The following SNX6 variants were observed in gnomAD, a reference collection of about 807,000 sequenced individuals.
SNX6 encodes the protein sorting nexin 6.
Under a neutral mutation model 63.0 loss-of-function variants are expected in SNX6, and 34 were observed. The ratio of observed to expected loss-of-function variants is 0.54; its 90% CI spans 0.41 to 0.72. The LOEUF (loss-of-function observed/expected upper bound fraction) is 0.72, where lower values mean the gene tolerates loss of function less well. Among genes scored for constraint, SNX6 ranks in the 30% least tolerant of loss-of-function variants. The pLI is 0.00. For synonymous variants in SNX6, 170 were observed against 164.2 expected, an observed-to-expected ratio of 1.04 and a Z score of -0.27; for missense variants, 398 against 471.4, an observed-to-expected ratio of 0.84 and a Z score of 1.44.
At chr14:34,628,956 G>C (rs1165491242) in intron 2 of SNX6, among the ~76,000 whole-genome samples, 1 of 151,956 alleles carries the variant, frequency 6.6e-6, no homozygotes, top group African/African-American at 2.4e-5. Flanking sequence ...GGGGTGGGAG[G>C]GAGGAATCAG....
At chr14:34,623,552 C>G (rs1026746285) in intron 2 of SNX6, among the ~76,000 whole-genome samples, 8 of 152,082 alleles carry the variant, frequency 5.3e-5, no homozygotes, top group Admixed American at 3.3e-4. Context: ...AGACTAAAGA[C>G]AGAGACTAAG....
intron 8 of SNX6, among the ~76,000 whole-genome samples, chr14:34,592,720 C>T (rs1037110213): frequency 2.6e-5 from 4 of 152,240 alleles, no homozygotes; most frequent in Admixed American, 1.3e-4. Context: ...TGCGGCACCA[C>T]GTCTGGCTAA....
chr14:34,627,423 C>T (rs1026570937), intron 2 of SNX6, among the ~76,000 whole-genome samples: 2 of 150,504 alleles, frequency 1.3e-5, no homozygotes, highest in African/African-American at 2.5e-5. Flanking sequence ...GTCGGGCCTT[C>T]GGCCTGGGCG....
Position 34,584,740 on chromosome 14 carries a change from G to A in SNX6, c.794+1490C>T, listed in dbSNP as rs980955434. On this transcript the variant is annotated intron_variant, in intron 9 of 13. Coordinates refer to ENST00000362031, the MANE Select transcript of SNX6 (RefSeq NM_152233.4). ...TTTTCATAAATAAAACACAGTTGGGGAGGAAGAAAAAAAAATATATATAGA... is the reference window on the plus strand; with the variant it reads ...TTTTCATAAATAAAACACAGTTGGGAAGGAAGAAAAAAAAATATATATAGA... Among the ~76,000 whole-genome samples, 8 of 151,276 alleles carry A rather than the reference G, an allele frequency of 5.3e-5. No individual in the cohort carries two copies. The South Asian group carries it at 1.7e-3, about 31-fold the overall frequency.
intron 11 of SNX6, among the ~76,000 whole-genome samples, chr14:34,573,640 ATTAAT>A (rs1389197290): frequency 6.6e-5 from 10 of 150,530 alleles, no homozygotes; most frequent in Non-Finnish European, 1.5e-4. Flanking sequence ...TTTTTAATTA[ATTAAT>A]TTATTTTTTT....
chr14:34,574,819 A>G (rs1881621163), intron 11 of SNX6, among the ~76,000 whole-genome samples: 1 of 151,886 alleles, frequency 6.6e-6, no homozygotes. Flanking sequence ...CGGCCTCCCA[A>G]AGTGCTGGGA....
At chr14:34,586,035 T>C (rs965603274) in intron 9 of SNX6, among the ~76,000 whole-genome samples, 195 bp downstream of exon 9, 2 of 152,122 alleles carry the variant, frequency 1.3e-5, no homozygotes, top group Non-Finnish European at 2.9e-5. Flanking sequence ...CCTGAGTAGC[T>C]GGGATTACAG....
chr14:34,617,696 C>T (rs573663628), intron 2 of SNX6, among the ~76,000 whole-genome samples: 21 of 149,780 alleles, frequency 1.4e-4, no homozygotes, highest in Admixed American at 6.0e-4. Flanking sequence ...CTGAGGCAGG[C>T]GGATCACGAG....
intron 10 of SNX6, among the ~76,000 whole-genome samples, chr14:34,578,953 A>AAAAAAAAAAAAAAAAAAAAAAAAAAAT (rs1881827121): frequency 6.8e-6 from 1 of 147,578 alleles, no homozygotes; most frequent in Non-Finnish European, 1.5e-5. Context: ...AAAAAAAAAA[A>AAAAAAAAAAAAAAAAAAAAAAAAAAAT]AAAAAAAAAA....
chr14:34,569,431 TTTG>T (rs1486996563), intron 11 of SNX6, among the ~76,000 whole-genome samples: 4 of 151,922 alleles, frequency 2.6e-5, no homozygotes, highest in Admixed American at 1.3e-4. Flanking sequence ...GTTTTTTTTT[TTTG>T]TTTTTTGTTT....
rs961966716 is a variant in SNX6, at chr14:34,584,971, G to C, written c.794+1259C>G. On this transcript the variant is annotated intron_variant, in intron 9 of 13. Transcript: ENST00000362031. ...GGGTTTAAGCGATTCTCCTGCCTCAGCCTCCCAAGTAGCTGGGATTACAGA... is the reference window on the plus strand; with the variant it reads ...GGGTTTAAGCGATTCTCCTGCCTCACCCTCCCAAGTAGCTGGGATTACAGA... 1.3e-5 allele frequency among the ~76,000 whole-genome samples: 2 copies of C among 151,888 alleles called. 1 individual carries two copies. Among genetic ancestry groups the C allele is most frequent in the Admixed American group, 1.3e-4 (2 of 15,214 alleles).
At position 34,623,529 on chromosome 14, in the gene SNX6, T is replaced by C. The variant is rs1170295042; in HGVS notation, c.54+6378A>G. Among the ~76,000 whole-genome samples the C allele has an allele frequency of 2.6e-5, 4 of 152,118 alleles. No individual in the cohort carries two copies. The East Asian group carries it at 5.8e-4, about 22-fold the overall frequency. On this transcript the variant is annotated intron_variant, in intron 2 of 13. Coordinates refer to ENST00000362031, the MANE Select transcript of SNX6 (RefSeq NM_152233.4). ...TAATATAAGTAATTTGACGACTGAA[T>C]TGGAAAGTAGAAAGACTAAAGACAG...
At chr14:34,587,532 CAAAAAAAAAAAA>C (rs34380966) in intron 8 of SNX6, among the ~76,000 whole-genome samples, 3 of 57,806 alleles carry the variant, frequency 5.2e-5, no homozygotes, top group African/African-American at 1.4e-4. Flanking sequence ...GACTCCATCT[CAAAAAAAAAAAA>C]AAAAAAAAAA....
chr14:34,586,771 A>C (rs1263630378), intron 8 of SNX6, among the ~76,000 whole-genome samples: 2 of 151,542 alleles, frequency 1.3e-5, no homozygotes, highest in African/African-American at 2.4e-5. Context: ...GCACTTTGGG[A>C]GGCCGTGGCA....
intron 3 of SNX6, 57 bp downstream of exon 3, chr14:34,609,581 T>C (rs922080616): frequency 2.1e-6 from 2 of 971,724 alleles, no homozygotes; most frequent in Non-Finnish European, 3.1e-6. Context: ...GGTCAACATA[T>C]CACATATGTA....
chr14:34,603,267 C>T, intron 6 of SNX6, 81 bp downstream of exon 6: 1 of 1,373,116 alleles, frequency 7.3e-7, no homozygotes, highest in Non-Finnish European at 9.8e-7. Context: ...GCCTGGAAGA[C>T]AGAGCGAGAT....
At chr14:34,579,321 CAAG>C (rs1881844823) in intron 10 of SNX6, among the ~76,000 whole-genome samples, 1 of 151,928 alleles carries the variant, frequency 6.6e-6, no homozygotes, top group African/African-American at 2.4e-5. Flanking sequence ...TACTATACCG[CAAG>C]AAGAATAAAG....
In SNX6 at chr14:34,626,594, A is replaced by G. The variant is rs563630243; in HGVS notation, c.54+3313T>C. On this transcript the variant is annotated intron_variant, in intron 2 of 13. Coordinates refer to ENST00000362031, the MANE Select transcript of SNX6 (RefSeq NM_152233.4). ...CAGGAGAATGGCATAGCATGAACCC[A>G]GGAGGCAGAGCTTGCAGCGAGCTGA... Among the ~76,000 whole-genome samples, 3 of 151,088 alleles carry G rather than the reference A, an allele frequency of 2.0e-5. No individual in the cohort carries two copies. In the Admixed American group the frequency reaches 2.0e-4, roughly 10 times the overall value.
intron 5 of SNX6, among the ~76,000 whole-genome samples, chr14:34,605,199 T>C (rs1186616089): frequency 6.6e-6 from 1 of 152,076 alleles, no homozygotes; most frequent in African/African-American, 2.4e-5. Context: ...GAGAACTAGG[T>C]TGGTAGTGAC....
Sources: allele counts gnomAD v4.1 joint callset (sites outside exome capture counted in the v4.1 genomes callset), GRCh38; gene constraint gnomAD v4.1.1; transcripts MANE v1.5; gene names NCBI Gene and HGNC (gene_info 2026-07-23, HGNC 2026-07-21).